SRRM2: variants seen among roughly 807,000 people sequenced by gnomAD.
SRRM2 encodes the protein serine/arginine repetitive matrix 2, also known as serine/arginine repetitive matrix protein 2.
In SRRM2, 30 loss-of-function variants were observed where a neutral mutation model predicts 213.8. The ratio of observed to expected loss-of-function variants is 0.14; its 90% confidence interval spans 0.10 to 0.19. SRRM2 has a LOEUF of 0.19. Ranked by LOEUF, SRRM2 falls within the 10% of genes least tolerant of loss-of-function variation. The pLI is 1.00. For synonymous variants in SRRM2, 2,025 were observed against 1,377.7 expected (o/e 1.47, Z -10.40); for missense variants, 4,904 against 3,647.0 (o/e 1.34, Z -8.88).
rs778128102 is a variant in SRRM2, at chr16:2,763,292, A to G, written c.2764A>G (p.Ile922Val). 4 of 1,614,144 alleles carry G rather than the reference A, an allele frequency of 2.5e-6. No homozygotes were observed. Among genetic ancestry groups the G allele is most frequent in the Middle Eastern group, 1.6e-4 (1 of 6,062 alleles). Residue 922 changes from isoleucine to valine, a missense_variant, in exon 11 of 15, where the codon ATA (isoleucine) becomes GTA (valine). Transcript: ENST00000301740. ...SSSPQPKVKA[I>V]ISPRQRSHSG... ...ATCTCCACAACCCAAAGTGAAGGCA[A>G]TAATATCACCAAGACAAAGAAGCCA...
chr16:2,770,110 T>G, intron 12 of SRRM2: 133 of 1,395,236 alleles, frequency 9.5e-5, no homozygotes, highest in Non-Finnish European at 1.1e-4. Context: ...TCTTCACCAC[T>G]GAGCTCCTTC....
At chr16:2,754,361 C>T (rs1054728820) in intron 1 of SRRM2, among the ~76,000 whole-genome samples, 5 of 151,728 alleles carry the variant, frequency 3.3e-5, no homozygotes, top group African/African-American at 1.2e-4. Context: ...GGCGCGATCT[C>T]GGCTCACTGC....
At chr16:2,758,937 C>T (rs759284458) in intron 5 of SRRM2, 48 bp from the exon 6 acceptor site, 1 of 1,608,932 alleles carries the variant, frequency 6.2e-7, no homozygotes, top group Admixed American at 1.7e-5. Context: ...GTGGGAGGGC[C>T]AGGAAAGAAG....
At position 2,763,257 on chromosome 16, in the gene SRRM2, C is replaced by G. The variant is rs1596279347; in HGVS notation, c.2729C>G (p.Ser910Cys). 1 of 1,614,094 alleles carries G rather than the reference C, an allele frequency of 6.2e-7. No homozygotes were observed. The highest frequency in any genetic ancestry group is 1.3e-5 in the African/African-American group (1 of 75,024). ...KSSTPPRQSPSRSSSPQPKVK... is the reference protein window; with the variant it reads ...KSSTPPRQSPCRSSSPQPKVK... The stretch of plus-strand genomic sequence containing the variant: ...AGCACACCTCCCAGACAGAGCCCAT[C>G]TAGGTCATCATCTCCACAACCCAAA... The change falls in exon 11 of 15, where the codon TCT becomes TGT. Residue 910 changes from serine to cysteine, a missense_variant. Physicochemically the swap from Ser to Cys is moderately radical, Grantham distance 112. Transcript: ENST00000301740.
chr16:2,766,335 G>C lies in SRRM2; in HGVS notation c.5807G>C (p.Arg1936Thr), dbSNP rs1242421708. The C allele has an allele frequency of 1.2e-6, 2 of 1,614,168 alleles. No individual in the cohort carries two copies. The highest frequency in any genetic ancestry group is 1.1e-5 in the South Asian group (1 of 91,084). ...CCACCAGTAACCCGCCGTCGTTCAA[G>C]GTCTAGAACGCCAACAACACGCCGC... Reference protein sequence around the residue: ...RTPPVTRRRSRSRTPTTRRRS... With the variant: ...RTPPVTRRRSTSRTPTTRRRS... Residue 1936 changes from arginine (R) to threonine (T), a missense_variant, in exon 11 of 15, where the codon AGG (arginine) becomes ACG (threonine). Transcript: ENST00000301740. This position sits in a 1 kb window ranked among gnomAD's most constrained non-coding sequence, Gnocchi z 7.0.
rs760551609 is a variant in SRRM2, at chr16:2,762,903, C to T, written c.2375C>T (p.Thr792Ile). The change falls in exon 11 of 15, where the codon ACA becomes ATA. Residue 792 changes from threonine (T) to isoleucine (I), a missense_variant. Thr to Ile is a moderately conservative substitution (Grantham distance 89, BLOSUM62 -1). Coordinates refer to ENST00000301740, the MANE Select transcript of SRRM2 (RefSeq NM_016333.4). ...CCATGCCCTAAACAAAAGTCACAGA[C>T]ACCACCCAGGCGCAGTCGCTCTGGA... is the stretch of plus-strand genomic sequence containing the variant. ...SSPCPKQKSQ[T>I]PPRRSRSGSS... The T allele has an allele frequency of 1.9e-6, 3 of 1,614,158 alleles. No individual in the cohort carries two copies. The highest frequency in any genetic ancestry group is 2.7e-5 in the African/African-American group (2 of 75,050).
In SRRM2 at chr16:2,767,176, T is replaced by C. The variant is rs1258049030; in HGVS notation, c.6648T>C (p.Pro2216=). The C allele has an allele frequency of 2.5e-6, 4 of 1,614,100 alleles. No homozygotes were observed. The highest frequency in any genetic ancestry group is 3.4e-6 in the Non-Finnish European group (4 of 1,180,032). Residue 2216 remains proline, a synonymous_variant, in exon 11 of 15, where the codon CCT becomes CCC. Transcript: ENST00000301740. Reference sequence around the variant, plus strand: ...TGTCCCAGGTTCCAGCCCCGGTGCCTCTCATGAGTCTCAGAACCGCACCAG... The same window carrying C: ...TGTCCCAGGTTCCAGCCCCGGTGCCCCTCATGAGTCTCAGAACCGCACCAG... ...ARMSQVPAPV[P]LMSLRTAPAA...
At chr16:2,756,664 G>A (rs1273357921) in intron 2 of SRRM2, 58 bp downstream of exon 2, 1 of 1,554,992 alleles carries the variant, frequency 6.4e-7, no homozygotes, top group Non-Finnish European at 8.7e-7. Flanking sequence ...GGGGGTGTTA[G>A]GTGGGATGTA....
At chr16:2,760,771 T>G in intron 10 of SRRM2, 2 of 424,116 alleles carry the variant, frequency 4.7e-6, no homozygotes, top group Non-Finnish European at 8.7e-6. Context: ...AAACGTTGTA[T>G]CTTATCTGTG....
rs1169050076 is a variant in SRRM2, at chr16:2,767,421, C to G, written c.6893C>G (p.Ala2298Gly). ...RTPTAPAVNL[A>G]GARTPAALAA... ...CCCACAGCCCCAGCTGTGAACCTAG[C>G]AGGGGCCAGAACCCCAGCTGCCTTG... Residue 2298 changes from alanine (A) to glycine (G), a missense_variant, in exon 11 of 15, where the codon GCA (alanine) becomes GGA (glycine). Physicochemically the swap from Ala to Gly is moderately conservative, Grantham distance 60. Transcript: ENST00000301740. The G allele has an allele frequency of 1.9e-6, 3 of 1,613,978 alleles. No homozygotes were observed. The African/African-American group carries it at 4.0e-5, about 22-fold the overall frequency.
chr16:2,770,357 G>A lies in SRRM2; in HGVS notation c.8027G>A (p.Arg2676His), dbSNP rs755008673. The change falls in exon 13 of 15, where the codon CGC becomes CAC. Residue 2676 changes from arginine to histidine, a missense_variant. Transcript: ENST00000301740. ...KKPPPGERRS[R>H]SPRKPIDSLR... is the part of the protein sequence containing the mutation. ...GGTCCTACTGTGTTCCCCAGGTCCCGCAGCCCCCGGAAGCCAATAGACTCC... is the reference window on the plus strand; with the variant it reads ...GGTCCTACTGTGTTCCCCAGGTCCCACAGCCCCCGGAAGCCAATAGACTCC... 7.5e-6 allele frequency: 12 copies of A among 1,594,040 alleles called. No homozygotes were observed. The highest frequency in any genetic ancestry group is 3.4e-5 in the South Asian group (3 of 87,900).
chr16:2,764,270 C>T lies in SRRM2; in HGVS notation c.3742C>T (p.Pro1248Ser). 1 of 1,613,890 alleles carries T rather than the reference C, an allele frequency of 6.2e-7. No individual in the cohort carries two copies. The highest frequency in any genetic ancestry group is 8.5e-7 in the Non-Finnish European group (1 of 1,179,938). The change falls in exon 11 of 15, where the codon CCC (proline) becomes TCC (serine). Residue 1248 changes from proline (P) to serine (S), a missense_variant. Transcript: ENST00000301740. The stretch of plus-strand genomic sequence containing the variant: ...GGAGGTGGTAGAGAAGTCTGAAGAA[C>T]CCGCAGGCCAAATCCTGTCTCATTT... ...LMEVVEKSEEPAGQILSHLSS... is the reference protein window; with the variant it reads ...LMEVVEKSEESAGQILSHLSS...
chr16:2,770,206 A>G, intron 12 of SRRM2, 146 bp from the exon 13 acceptor site: 2 of 1,449,184 alleles, frequency 1.4e-6, no homozygotes, highest in Non-Finnish European at 1.8e-6. Flanking sequence ...GTGCGGGCGG[A>G]TGGGTGAGTG....
chr16:2,757,084 A>T (rs976594582), intron 2 of SRRM2, among the ~76,000 whole-genome samples: 1 of 152,178 alleles, frequency 6.6e-6, no homozygotes, highest in Non-Finnish European at 1.5e-5. Context: ...AAAGGAGCCC[A>T]TTAAGGCAGA....
chr16:2,758,360 G>T, intron 4 of SRRM2, 110 bp from the exon 5 acceptor site: 1 of 1,044,736 alleles, frequency 9.6e-7, no homozygotes, highest in Non-Finnish European at 1.5e-6. Flanking sequence ...AACAGAGCGA[G>T]ACTCTTATTT....
In SRRM2 at chr16:2,769,159, C is replaced by A. The variant is rs1411827189; in HGVS notation, c.7896C>A (p.Ser2632=). 1 of 1,609,874 alleles carries A rather than the reference C, an allele frequency of 6.2e-7. No individual in the cohort carries two copies. Among genetic ancestry groups the A allele is most frequent in the Non-Finnish European group, 8.5e-7 (1 of 1,176,718 alleles). The change falls in exon 12 of 15, where the codon TCC becomes TCA. Residue 2632 remains serine, a synonymous_variant. Transcript: ENST00000301740. Reference sequence around the variant, plus strand: ...CCTCCTCTTCTTCCTCCTCCTCTTCCTCTTCTTCTTCTTCCTCCTCATCTT... The same window carrying A: ...CCTCCTCTTCTTCCTCCTCCTCTTCATCTTCTTCTTCTTCCTCCTCATCTT... ...SSSSSSSSSS[S]SSSSSSSSSS... is the part of the protein sequence containing the mutation.
chr16:2,763,821 G>T lies in SRRM2; in HGVS notation c.3293G>T (p.Arg1098Leu), dbSNP rs767095301. ...SKSQTSPKGG[R>L]SRSSSPVTEL... ...TCTCAAACATCACCTAAGGGAGGTC[G>T]GTCCAGGTCTTCATCTCCAGTCACT... The change falls in exon 11 of 15, where the codon CGG (arginine) becomes CTG (leucine). Residue 1098 changes from arginine (R) to leucine (L), a missense_variant. By Grantham distance (102) the Arg-to-Leu change is moderately radical (BLOSUM62 -2). Coordinates refer to ENST00000301740, the MANE Select transcript of SRRM2 (RefSeq NM_016333.4). 2 of 1,614,000 alleles carry T rather than the reference G, an allele frequency of 1.2e-6. No homozygotes were observed. Among genetic ancestry groups the T allele is most frequent in the Non-Finnish European group, 1.7e-6 (2 of 1,180,022 alleles).
chr16:2,762,084 C>T lies in SRRM2; in HGVS notation c.1556C>T (p.Ala519Val), dbSNP rs1167444843. 6.2e-7 allele frequency: 1 copy of T among 1,614,224 alleles called. No individual in the cohort carries two copies. The highest frequency in any genetic ancestry group is 2.2e-5 in the East Asian group (1 of 44,888). The change falls in exon 11 of 15, where the codon GCA becomes GTA. Residue 519 changes from alanine to valine, a missense_variant. By Grantham distance (64) the Ala-to-Val change is moderately conservative. Transcript: ENST00000301740. ...CCCCAGTGGCGTAGGTCCAGGTCTG[C>T]ACAGAGGTGGGGAAGATCTAGAAGC... ...RSPQWRRSRS[A>V]QRWGRSRSPQ... is the part of the protein sequence containing the mutation.
intron 2 of SRRM2, among the ~76,000 whole-genome samples, chr16:2,756,900 A>G (rs2068161064): frequency 1.3e-5 from 2 of 152,164 alleles, no homozygotes; most frequent in South Asian, 4.1e-4. Context: ...GAGATGGGAA[A>G]GCAGAGACCA....
Sources: gnomAD v4.1 joint callset for allele counts (sites outside exome capture counted in the v4.1 genomes callset) on GRCh38, gnomAD v4.1.1 for gene constraint, Gnocchi (gnomAD v3.1) non-coding constraint, MANE v1.5 for transcripts, NCBI Gene and HGNC (gene_info 2026-07-23, HGNC 2026-07-21) for gene names.